GABBR2: variants seen among roughly 807,000 people sequenced by gnomAD.
GABBR2 encodes gamma-aminobutyric acid type B receptor subunit 2, also known as G-protein coupled receptor 51.
A neutral mutation model predicts 105.6 loss-of-function variants in GABBR2; 23 were observed. The ratio of observed to expected loss-of-function variants is 0.22; its 90% CI spans 0.16 to 0.31. GABBR2 has a LOEUF of 0.31. Among genes scored for constraint, GABBR2 ranks in the 10% least tolerant of loss-of-function variants. The pLI, the probability that GABBR2 is intolerant of heterozygous loss-of-function variation, is 1.00. For synonymous variants in GABBR2, 478 were observed against 499.7 expected, an observed-to-expected ratio of 0.96 and a Z score of 0.58; for missense variants, 734 against 1,245.5, an observed-to-expected ratio of 0.59 and a Z score of 6.18.
chr9:98,335,888 C>T (rs1831106378), intron 13 of GABBR2, among the ~76,000 whole-genome samples: 1 of 152,196 alleles, frequency 6.6e-6, no homozygotes, highest in Admixed American at 6.5e-5. Flanking sequence ...ATTCACTCAT[C>T]CATTCAACCA....
intron 1 of GABBR2, among the ~76,000 whole-genome samples, chr9:98,623,060 G>A (rs1490209243): frequency 6.6e-6 from 1 of 152,212 alleles, no homozygotes; most frequent in Admixed American, 6.5e-5. Flanking sequence ...CAAAGAGTAT[G>A]TGGGAAATTT....
rs866707779 is a variant in GABBR2, at chr9:98,290,283, T to G, written c.*301A>C. On this transcript the variant is annotated 3_prime_UTR_variant, in exon 19 of 19. Coordinates refer to ENST00000259455, the MANE Select transcript of GABBR2 (RefSeq NM_005458.8). ...CTAGTTTTTTTGTTTTTTTTTTTTT[T>G]TTTTTTTTTTTGCAAGTTTGATATC... 1.1e-4 allele frequency: 21 copies of G among 182,650 alleles called. No homozygotes were observed. The highest frequency in any genetic ancestry group is 2.0e-3 in the Middle Eastern group (1 of 506). The allele number at this position is 182,650 out of a possible 1,614,324, so 11.3% of individuals were successfully genotyped here.
chr9:98,548,057 C>T (rs1324706433), intron 2 of GABBR2, among the ~76,000 whole-genome samples: 1 of 121,616 alleles, frequency 8.2e-6, no homozygotes, highest in African/African-American at 2.6e-5. Context: ...AAGTTTTCTT[C>T]TTTATCCTAC....
At chr9:98,405,866 C>A (rs1357869357) in intron 8 of GABBR2, among the ~76,000 whole-genome samples, 1 of 152,152 alleles carries the variant, frequency 6.6e-6, no homozygotes, top group African/African-American at 2.4e-5. Context: ...AGACGTGGAA[C>A]CCATGGAGAT....
chr9:98,366,152 GATA>G (rs1831672191), intron 12 of GABBR2, among the ~76,000 whole-genome samples: 1 of 152,096 alleles, frequency 6.6e-6, no homozygotes, highest in African/African-American at 2.4e-5. Context: ...AGAACATGGG[GATA>G]ATATTTGCAC....
chr9:98,431,684 T>G (rs117426918), intron 7 of GABBR2, among the ~76,000 whole-genome samples: 4,593 of 149,778 alleles, frequency 0.031, 128 homozygotes, highest in East Asian at 0.15. Context: ...GTTTTGTCTG[T>G]TTTTTTTTGT....
At chr9:98,656,938 G>A (rs972992217) in intron 1 of GABBR2, among the ~76,000 whole-genome samples, 1 of 152,226 alleles carries the variant, frequency 6.6e-6, no homozygotes, top group Non-Finnish European at 1.5e-5. Context: ...CTAGATGCTG[G>A]ATCAGAGGTT....
intron 4 of GABBR2, among the ~76,000 whole-genome samples, chr9:98,490,631 C>A (rs1827158039): frequency 6.6e-6 from 1 of 152,206 alleles, no homozygotes; most frequent in Admixed American, 6.5e-5. Context: ...TCTGTGGATG[C>A]CCCATGGTTG....
chr9:98,568,233 C>T (rs536011411), intron 2 of GABBR2, among the ~76,000 whole-genome samples: 5 of 152,222 alleles, frequency 3.3e-5, no homozygotes, highest in Admixed American at 2.6e-4. Context: ...TTATTGGGTC[C>T]CTGTAAGTGG....
At chr9:98,661,813 T>C (rs573967823) in intron 1 of GABBR2, among the ~76,000 whole-genome samples, 1 of 152,118 alleles carries the variant, frequency 6.6e-6, no homozygotes, top group Non-Finnish European at 1.5e-5. Context: ...TCTCCAGAAA[T>C]TGCCTTGGCC....
intron 12 of GABBR2, among the ~76,000 whole-genome samples, chr9:98,371,175 A>T (rs994105801): frequency 6.6e-6 from 1 of 151,268 alleles, no homozygotes; most frequent in Non-Finnish European, 1.5e-5. Context: ...GCCAACTCCC[A>T]CTCACCCTCC....
chr9:98,667,318 A>C (rs1830349473), intron 1 of GABBR2, among the ~76,000 whole-genome samples: 1 of 152,156 alleles, frequency 6.6e-6, no homozygotes. Context: ...TACTAAACAG[A>C]GAAAGTGAAT....
chr9:98,646,040 G>A (rs1830025481), intron 1 of GABBR2, among the ~76,000 whole-genome samples: 1 of 152,208 alleles, frequency 6.6e-6, no homozygotes, highest in African/African-American at 2.4e-5. Context: ...GATGAGCACT[G>A]TAATACTTTC....
At chr9:98,672,969 G>A (rs1830424119) in intron 1 of GABBR2, among the ~76,000 whole-genome samples, 1 of 152,168 alleles carries the variant, frequency 6.6e-6, no homozygotes, top group Admixed American at 6.5e-5. Context: ...TCATTATAGT[G>A]TCATCTTCTA....
chr9:98,637,857 A>T (rs1188137306), intron 1 of GABBR2, among the ~76,000 whole-genome samples: 2 of 152,226 alleles, frequency 1.3e-5, no homozygotes, highest in Non-Finnish European at 2.9e-5. Flanking sequence ...TCAAGCCACT[A>T]AATTTATGGT....
At chr9:98,430,774 A>G (rs984341531) in intron 7 of GABBR2, among the ~76,000 whole-genome samples, 12 of 151,958 alleles carry the variant, frequency 7.9e-5, no homozygotes, top group Non-Finnish European at 1.6e-4. Flanking sequence ...CAAGACTGCC[A>G]GGCTCTGTTT....
chr9:98,486,684 T>C (rs1827058453), intron 4 of GABBR2, among the ~76,000 whole-genome samples: 2 of 152,132 alleles, frequency 1.3e-5, no homozygotes, highest in African/African-American at 4.8e-5. Flanking sequence ...AGAGAGGAGA[T>C]GCTATAAACC....
chr9:98,420,433 A>G (rs1349152247), intron 7 of GABBR2, among the ~76,000 whole-genome samples: 1 of 152,094 alleles, frequency 6.6e-6, no homozygotes, highest in Admixed American at 6.6e-5. Context: ...GGGCTTTTAG[A>G]AGAGTGAAGC....
intron 1 of GABBR2, among the ~76,000 whole-genome samples, chr9:98,589,077 G>A (rs968728599): frequency 1.3e-5 from 2 of 152,212 alleles, no homozygotes; most frequent in African/African-American, 4.8e-5. Flanking sequence ...CACCAACCAT[G>A]GACTGAGCAT....
Sources: allele counts gnomAD v4.1 joint callset (sites outside exome capture counted in the v4.1 genomes callset), GRCh38; gene constraint gnomAD v4.1.1; transcripts MANE v1.5; gene names NCBI Gene and HGNC (gene_info 2026-07-23, HGNC 2026-07-21).